ARK2C: variants seen among roughly 807,000 people sequenced by gnomAD.
The protein encoded by ARK2C is E3 ubiquitin-protein ligase ARK2C.
chr18:46,402,160 T>C, the ARK2C span, among the ~76,000 whole-genome samples: 2 of 152,200 alleles, frequency 1.3e-5, no homozygotes, highest in African/African-American at 2.4e-5. Context: ...ATTTGGTGAG[T>C]TCTGACATGT....
the ARK2C span, among the ~76,000 whole-genome samples, chr18:46,353,538 A>AC: frequency 9.9e-3 from 1,506 of 152,236 alleles, 5 homozygotes; most frequent in South Asian, 0.016. Context: ...CCCGTCCGCT[A>AC]CCCCACTGTC....
the ARK2C span, among the ~76,000 whole-genome samples, chr18:46,392,653 G>A: frequency 6.6e-6 from 1 of 152,136 alleles, no homozygotes; most frequent in South Asian, 2.1e-4. Flanking sequence ...CAAGGCTGGG[G>A]GACACTGGGC....
At chr18:46,357,250 G>C in the ARK2C span, among the ~76,000 whole-genome samples, 1 of 152,162 alleles carries the variant, frequency 6.6e-6, no homozygotes, top group Non-Finnish European at 1.5e-5. Flanking sequence ...CTTCCCCAGT[G>C]GTAACAGTGG....
the ARK2C span, among the ~76,000 whole-genome samples, chr18:46,367,502 T>C: frequency 2.0e-5 from 3 of 152,174 alleles, no homozygotes. Flanking sequence ...ATTGACATTC[T>C]TTGAGGCAGG....
At chr18:46,395,649 C>T in the ARK2C span, among the ~76,000 whole-genome samples, 1 of 152,192 alleles carries the variant, frequency 6.6e-6, no homozygotes, top group Non-Finnish European at 1.5e-5. Flanking sequence ...ATTCCTGCTG[C>T]AGGGGATAAG....
At chr18:46,398,894 G>C in the ARK2C span, among the ~76,000 whole-genome samples, 1 of 151,784 alleles carries the variant, frequency 6.6e-6, no homozygotes, top group Non-Finnish European at 1.5e-5. Flanking sequence ...TCTAGTCATC[G>C]TCTAGGATGC....
chr18:46,420,108 G>A, the ARK2C span, among the ~76,000 whole-genome samples: 1 of 152,160 alleles, frequency 6.6e-6, no homozygotes, highest in Non-Finnish European at 1.5e-5. Context: ...GGGGCGTGTG[G>A]AGGTCAACTC....
the ARK2C span, among the ~76,000 whole-genome samples, chr18:46,347,525 C>T: frequency 3.9e-5 from 6 of 152,126 alleles, no homozygotes; most frequent in East Asian, 5.8e-4. Context: ...AAGCGGGCAA[C>T]CCTCTTGGGG....
the ARK2C span, among the ~76,000 whole-genome samples, chr18:46,397,043 G>A: frequency 6.6e-6 from 1 of 152,214 alleles, no homozygotes; most frequent in African/African-American, 2.4e-5. Flanking sequence ...ATTCTTAGAA[G>A]CAGGAAGCTT....
the ARK2C span, among the ~76,000 whole-genome samples, chr18:46,404,058 T>C: frequency 6.6e-6 from 1 of 152,190 alleles, no homozygotes; most frequent in Non-Finnish European, 1.5e-5. Context: ...TCAAAATCCA[T>C]TACAGATTTG....
chr18:46,425,919 T>C, the ARK2C span, among the ~76,000 whole-genome samples: 1 of 152,152 alleles, frequency 6.6e-6, no homozygotes, highest in African/African-American at 2.4e-5. Flanking sequence ...AGATTTGGTG[T>C]CTGGTAAGGG....
the ARK2C span, among the ~76,000 whole-genome samples, chr18:46,452,768 C>T: frequency 6.6e-6 from 1 of 152,160 alleles, no homozygotes; most frequent in Non-Finnish European, 1.5e-5. Context: ...ACCGTCTTCA[C>T]TCCCTCATGA....
At chr18:46,439,669 G>T in the ARK2C span, among the ~76,000 whole-genome samples, 1 of 151,830 alleles carries the variant, frequency 6.6e-6, no homozygotes, top group Non-Finnish European at 1.5e-5. Context: ...GGAGATAGTG[G>T]ATGTTACCTT....
At chr18:46,436,686 C>T in the ARK2C span, among the ~76,000 whole-genome samples, 1 of 152,192 alleles carries the variant, frequency 6.6e-6, no homozygotes, top group Non-Finnish European at 1.5e-5. Flanking sequence ...CCATTTTCTT[C>T]AGTCCTTTGC....
chr18:46,353,320 A>T, the ARK2C span, among the ~76,000 whole-genome samples: 2 of 152,196 alleles, frequency 1.3e-5, no homozygotes, highest in East Asian at 3.8e-4. Flanking sequence ...CGGGGATGTC[A>T]TCGTGACCTC....
the ARK2C span, among the ~76,000 whole-genome samples, chr18:46,421,974 T>C: frequency 0.21 from 32,559 of 152,114 alleles, 3,975 homozygotes; most frequent in East Asian, 0.38. Context: ...TCCATTGGAC[T>C]GGGAACCAAT....
the ARK2C span, among the ~76,000 whole-genome samples, chr18:46,395,351 T>C: frequency 6.6e-6 from 1 of 152,186 alleles, no homozygotes; most frequent in Non-Finnish European, 1.5e-5. Flanking sequence ...TTGGGCAGGA[T>C]GATTCTTTGT....
At chr18:46,348,909 T>C in the ARK2C span, among the ~76,000 whole-genome samples, 748 of 17,348 alleles carry the variant, frequency 0.043, 21 homozygotes, top group East Asian at 0.17. Context: ...TCTGTGTGTG[T>C]GTGTGTGTGT....
At chr18:46,456,313 G>A in the ARK2C span, among the ~76,000 whole-genome samples, 1 of 152,140 alleles carries the variant, frequency 6.6e-6, no homozygotes, top group African/African-American at 2.4e-5. Flanking sequence ...TGTGGTGTTC[G>A]GTCTGAATGC....
Sources: gnomAD v4.1 joint callset for allele counts (sites outside exome capture counted in the v4.1 genomes callset) on GRCh38, gnomAD v4.1.1 for gene constraint, MANE v1.5 for transcripts, NCBI Gene and HGNC (gene_info 2026-07-23, HGNC 2026-07-21) for gene names.